The following POLR2D variants were observed in gnomAD, a reference collection of about 807,000 sequenced individuals.
The protein encoded by POLR2D is RNA polymerase II subunit D, also known as DNA-directed RNA polymerase II subunit RPB4.
In POLR2D, 10 loss-of-function variants were observed where a neutral mutation model predicts 17.6. The ratio of observed to expected loss-of-function variants is 0.57; its 90% confidence interval spans 0.35 to 0.96. The LOEUF is 0.96. Ranked by LOEUF, POLR2D falls within the 40% of genes least tolerant of loss-of-function variation. The probability of loss-of-function intolerance (pLI) is 0.02; values close to 1 mark genes in which losing one functional copy is unlikely to be tolerated. For synonymous variants in POLR2D, 52 were observed against 60.2 expected (o/e 0.86, Z 0.63); for missense variants, 126 against 176.4 (o/e 0.71, Z 1.62).
intron 3 of POLR2D, among the ~76,000 whole-genome samples, chr2:127,848,434 G>C (rs1690189371): frequency 6.6e-6 from 1 of 151,142 alleles, no homozygotes; most frequent in Non-Finnish European, 1.5e-5. Context: ...TTTTGAGATG[G>C]AGTTTCGCTC....
chr2:127,852,268 A>T lies in POLR2D; in HGVS notation c.254+657T>A, dbSNP rs775393476. Among the ~76,000 whole-genome samples the T allele has an allele frequency of 5.3e-5, 8 of 152,192 alleles. No individual in the cohort carries two copies. Among genetic ancestry groups the T allele is most frequent in the Admixed American group, 2.0e-4 (3 of 15,280 alleles). On this transcript the variant is annotated intron_variant, in intron 2 of 3. Coordinates refer to ENST00000272645, the MANE Select transcript of POLR2D (RefSeq NM_004805.4). This position sits in a 1 kb window ranked among gnomAD's most constrained non-coding sequence, Gnocchi z 4.0. ...GACTTACACAAAATATGACAGATTC[A>T]TATTTGAATCTGTTCCCAGACTGGA...
chr2:127,851,475 C>A (rs1443113752), intron 2 of POLR2D, among the ~76,000 whole-genome samples: 1 of 152,144 alleles, frequency 6.6e-6, no homozygotes, highest in Non-Finnish European at 1.5e-5. Flanking sequence ...GCAGCTCATG[C>A]CTGTAATCCT....
Position 127,848,099 on chromosome 2 carries a change from T to C in POLR2D, c.*8A>G. On this transcript the variant is annotated 3_prime_UTR_variant, in exon 4 of 4. Transcript: ENST00000272645. ...GTGGTTTCTCCGAGCAGCAGTGATG[T>C]TTGGAGATTAATACTGAAAGCTGCG... The C allele has an allele frequency of 1.3e-6, 2 of 1,586,286 alleles. No individual in the cohort carries two copies. Among genetic ancestry groups the C allele is most frequent in the East Asian group, 4.5e-5 (2 of 44,768 alleles).
intron 3 of POLR2D, among the ~76,000 whole-genome samples, chr2:127,850,239 G>A (rs1175591572): frequency 4.0e-5 from 6 of 151,780 alleles, no homozygotes; most frequent in East Asian, 1.9e-4. Context: ...CTGGGAGTTC[G>A]CGACTAGCCT....
intron 1 of POLR2D, among the ~76,000 whole-genome samples, chr2:127,856,352 G>GGCCAA (rs962817454): frequency 7.2e-6 from 1 of 138,950 alleles, no homozygotes; most frequent in African/African-American, 2.6e-5. Context: ...AGCACTGGGA[G>GGCCAA]GCCAAGGTGG....
intron 1 of POLR2D, among the ~76,000 whole-genome samples, chr2:127,855,643 C>T (rs1216098829): frequency 3.9e-5 from 6 of 152,148 alleles, no homozygotes; most frequent in Non-Finnish European, 5.9e-5. Flanking sequence ...TACCACAGAG[C>T]TTTTGGGAGG....
intron 1 of POLR2D, among the ~76,000 whole-genome samples, chr2:127,854,239 C>T (rs190913182): frequency 2.4e-3 from 359 of 152,302 alleles, no homozygotes; most frequent in African/African-American, 8.2e-3. Context: ...TACAATAGTT[C>T]TGTTAAAAAA....
intron 1 of POLR2D, 186 bp downstream of exon 1, chr2:127,857,842 T>A: frequency 7.6e-7 from 1 of 1,322,764 alleles, no homozygotes. Context: ...AATAACCCAG[T>A]TGCCCAGGCG....
Position 127,848,120 on chromosome 2 carries a change from C to G in POLR2D, c.416G>C (p.Ser139Thr). The G allele has an allele frequency of 6.2e-7, 1 of 1,609,338 alleles. No homozygotes were observed. Among genetic ancestry groups the G allele is most frequent in the Non-Finnish European group, 8.5e-7 (1 of 1,175,622 alleles). Residue 139 changes from serine to threonine, a missense_variant, in exon 4 of 4, where the codon AGC (serine) becomes ACC (threonine). This residue lies in a region of POLR2D where 85 missense variants were observed against 151.4 expected (regional missense o/e 0.56). Transcript: ENST00000272645. Reference sequence around the variant, plus strand: ...GATGTTTGGAGATTAATACTGAAAGCTGCGCTTTGTCTGGATATCATCAAG... The same window carrying G: ...GATGTTTGGAGATTAATACTGAAAGGTGCGCTTTGTCTGGATATCATCAAG... ...QILDDIQTKRSFQY is the reference protein window; with the variant it reads ...QILDDIQTKRTFQY
In POLR2D at chr2:127,853,086, T is replaced by C. The variant is rs759577301; in HGVS notation, c.93A>G (p.Thr31=). ...GCATATGAACTTCTGAATTTAGAAG[T>C]GTCTCAGCTGTTTCAAACTCTATTT... The part of the protein sequence containing the change: ...IFPKEFETAE[T]LLNSEVHMLL... Residue 31 remains threonine, a synonymous_variant, in exon 2 of 4, where the codon ACA becomes ACG. Transcript: ENST00000272645. 5 of 1,611,014 alleles carry C rather than the reference T, an allele frequency of 3.1e-6. No homozygotes were observed. Among genetic ancestry groups the C allele is most frequent in the African/African-American group, 2.7e-5 (2 of 74,862 alleles).
In POLR2D at chr2:127,847,298, TCC is replaced by T. The variant is rs1690173181; in HGVS notation, c.*807_*808del. ...CTTCCCATGGCGTGCTTCTTCCGTC[TCC>T]CAGGTTAGGCACAACGATGCCAAGG... On this transcript the variant is annotated 3_prime_UTR_variant, in exon 4 of 4. Coordinates refer to ENST00000272645, the MANE Select transcript of POLR2D (RefSeq NM_004805.4). 1 of 152,208 alleles carries T rather than the reference TCC, an allele frequency of 6.6e-6. No individual in the cohort carries two copies. The highest frequency in any genetic ancestry group is 2.4e-5 in the African/African-American group (1 of 41,442). 9.4% of individuals were successfully genotyped at this position (152,208 alleles called of 1,614,324 possible).
intron 1 of POLR2D, chr2:127,856,760 AGGCAAT>A (rs1690339855): frequency 6.6e-6 from 1 of 151,770 alleles, no homozygotes; most frequent in African/African-American, 2.4e-5. Context: ...TTATTTTGCC[AGGCAAT>A]GGCTCACATC....
Position 127,858,115 on chromosome 2 carries a change from G to GCGCGCCA in POLR2D, c.-22_-16dup. 3 of 1,475,498 alleles carry GCGCGCCA rather than the reference G, an allele frequency of 2.0e-6. No homozygotes were observed. Among genetic ancestry groups the GCGCGCCA allele is most frequent in the Non-Finnish European group, 2.7e-6 (3 of 1,111,900 alleles). The allele number at this position is 1,475,498 out of a possible 1,614,324, so 91.4% of individuals were successfully genotyped here. ...CCCGCCGCCATCGCCGCGCCGCGCC[G>GCGCGCCA]CGCGCCACCACCAGCGCCGCCGGAA... is the stretch of plus-strand genomic sequence containing the variant. On this transcript the variant is annotated 5_prime_UTR_variant, in exon 1 of 4. Transcript: ENST00000272645.
At chr2:127,849,018 T>C (rs899572286) in intron 3 of POLR2D, among the ~76,000 whole-genome samples, 5 of 151,934 alleles carry the variant, frequency 3.3e-5, no homozygotes, top group Non-Finnish European at 7.4e-5. Flanking sequence ...CCCAAAGTGC[T>C]GGGATGACAG....
intron 1 of POLR2D, among the ~76,000 whole-genome samples, chr2:127,855,141 A>C (rs1690307992): frequency 6.6e-6 from 1 of 152,148 alleles, no homozygotes; most frequent in Non-Finnish European, 1.5e-5. Context: ...TCACGCCTGT[A>C]ATCCCAACAC....
At chr2:127,850,735 A>C in intron 2 of POLR2D, 50 bp from the exon 3 acceptor site, 1 of 905,510 alleles carries the variant, frequency 1.1e-6, no homozygotes. Context: ...ACAAATAAAC[A>C]ACAAAAATCA....
rs538973397 is a variant in POLR2D at position 127,849,216 on chromosome 2, G to C, written c.351-1031C>G. Among the ~76,000 whole-genome samples, 63 of 151,646 alleles carry C rather than the reference G, an allele frequency of 4.2e-4. No homozygotes were observed. In the Middle Eastern group the frequency reaches 0.027, roughly 66 times the overall value. On this transcript the variant is annotated intron_variant, in intron 3 of 3. Coordinates refer to ENST00000272645, the MANE Select transcript of POLR2D (RefSeq NM_004805.4). The stretch of plus-strand genomic sequence containing the variant: ...CACACCACCACACCCAGCTAATTTT[G>C]TATTTTAGTAGAGATGGAGTTCCAC...
In POLR2D at chr2:127,852,299, G is replaced by A. The variant is rs892629467; in HGVS notation, c.254+626C>T. Among the ~76,000 whole-genome samples the A allele has an allele frequency of 4.6e-5, 7 of 152,300 alleles. No homozygotes were observed. The East Asian group carries it at 1.3e-3, about 29-fold the overall frequency. On this transcript the variant is annotated intron_variant, in intron 2 of 3. Transcript: ENST00000272645. The surrounding 1 kb of genome is among the most constrained non-coding windows in gnomAD (Gnocchi z 4.0). Reference sequence around the variant, plus strand: ...GAATCTGTTCCCAGACTGGAGTACAGTGGCACAATCACAGCTCACTAAAGC... The same window carrying A: ...GAATCTGTTCCCAGACTGGAGTACAATGGCACAATCACAGCTCACTAAAGC...
chr2:127,846,778 G>T lies in POLR2D; in HGVS notation c.*1329C>A, dbSNP rs1433224735. The T allele has an allele frequency of 1.1e-4, 17 of 160,314 alleles. No homozygotes were observed. In the South Asian group the frequency reaches 3.2e-3, roughly 30 times the overall value. 9.9% of individuals were successfully genotyped at this position (160,314 alleles called of 1,614,324 possible). On this transcript the variant is annotated 3_prime_UTR_variant, in exon 4 of 4. Transcript: ENST00000272645. ...CATGGGGCAGCACCTGCAGGTCTAC[G>T]TTGGGGTGGAGGTGTTCGGTCCTTG... is the stretch of plus-strand genomic sequence containing the variant.
Sources: gnomAD v4.1 joint callset for allele counts (sites outside exome capture counted in the v4.1 genomes callset) on GRCh38, gnomAD v4.1.1 for gene constraint, gnomAD v4.1.1 regional missense constraint, Gnocchi (gnomAD v3.1) non-coding constraint, MANE v1.5 for transcripts, NCBI Gene and HGNC (gene_info 2026-07-23, HGNC 2026-07-21) for gene names.